NKAP: variants seen among roughly 807,000 people sequenced by gnomAD.
NKAP encodes the protein NFKB activating protein.
A neutral mutation model predicts 35.6 loss-of-function variants in NKAP; 4 were observed. The observed-to-expected ratio is 0.11, with a 90% CI of 0.06 to 0.26. The LOEUF is 0.26. NKAP is among the 10% of genes least tolerant of loss of function. NKAP has a pLI of 1.00. For synonymous variants in NKAP, 106 were observed against 119.2 expected, an observed-to-expected ratio of 0.89 and a Z score of 0.72; for missense variants, 238 against 321.9, an observed-to-expected ratio of 0.74 and a Z score of 1.99.
rs2056700870 is a variant in NKAP, at chrX:119,924,541, C to A, written c.*679G>T. The A allele has an allele frequency of 9.1e-6, 1 of 109,658 alleles. No homozygotes were observed. The highest frequency in any genetic ancestry group is 1.9e-5 in the Non-Finnish European group (1 of 52,690). 9.0% of individuals were successfully genotyped at this position (109,658 alleles called of 1,213,427 possible). A position where few individuals can be genotyped will look rare whatever the true frequency, so the allele number is the denominator to read the frequency against. The stretch of plus-strand genomic sequence containing the variant: ...GAGTAGTTGGGATTACAGGCGCCCA[C>A]CACCACGCCCGGCTAATTTTTGTAT... On this transcript the variant is annotated 3_prime_UTR_variant, in exon 9 of 9. Transcript: ENST00000371410.
intron 5 of NKAP, 33 bp downstream of exon 5, chrX:119,934,455 AGAAAAG>A (rs768534770): frequency 2.6e-6 from 2 of 775,001 alleles, no homozygotes; most frequent in South Asian, 3.0e-5. Flanking sequence ...AAAAAAAAAA[AGAAAAG>A]AAATTTTCCA....
At position 119,934,491 on chromosome X, in the gene NKAP, G is replaced by C. The variant is rs777918273; in HGVS notation, c.737+3C>G. On this transcript the variant is annotated splice_donor_region_variant and intron_variant, in intron 5 of 8. Coordinates refer to ENST00000371410, the MANE Select transcript of NKAP (RefSeq NM_024528.4). ...TTTCCATAATAAAACTTAAAAAACT[G>C]ACGATCTGTGTTTCTTCTTCTTTTC... 1.2e-6 allele frequency: 1 copy of C among 864,266 alleles called. No individual in the cohort carries two copies. Among genetic ancestry groups the C allele is most frequent in the Admixed American group, 3.9e-5 (1 of 25,401 alleles). The allele number at this position is 864,266 out of a possible 1,213,427, so 71.2% of individuals were successfully genotyped here.
In NKAP at chrX:119,932,178, T is replaced by C; in HGVS notation, c.776A>G (p.Lys259Arg). Residue 259 changes from lysine to arginine, a missense_variant, in exon 6 of 9, where the codon AAA (lysine) becomes AGA (arginine). Transcript: ENST00000371410. Reference protein sequence around the residue: ...YKKKRSKKSRKESSDSSSKES... With the variant: ...YKKKRSKKSRRESSDSSSKES... ...TTTAGAGCTTGAATCACTGGACTCT[T>C]TTCTGCTCTTCTTAGACCTCTTTTT... 1 of 1,206,547 alleles carries C rather than the reference T, an allele frequency of 8.3e-7. No individual in the cohort carries two copies. The highest frequency in any genetic ancestry group is 1.8e-5 in the South Asian group (1 of 56,382).
At position 119,943,425 on chromosome X, in the gene NKAP, C is replaced by G. The variant is rs140321849; in HGVS notation, c.181G>C (p.Gly61Arg). ...GDRNGLTHQL[G>R]GLSQGSRNQS... ...TTTCGGGAGCCTTGGCTGAGGCCAC[C>G]CAGCTGATGGGTGAGTCCATTCCGG... Residue 61 changes from glycine (G) to arginine (R), a missense_variant, in exon 1 of 9, where the codon GGT (glycine) becomes CGT (arginine). Around this residue, in one of 5 missense-constraint regions of NKAP, gnomAD observed 123 missense variants for 115.3 expected, o/e 1.07. Transcript: ENST00000371410. The G allele has an allele frequency of 2.8e-5, 34 of 1,209,531 alleles. No individual in the cohort carries two copies. The highest frequency in any genetic ancestry group is 3.7e-5 in the Non-Finnish European group (33 of 894,359).
In NKAP at chrX:119,936,642, T is replaced by C; in HGVS notation, c.508A>G (p.Lys170Glu). 1 of 1,181,953 alleles carries C rather than the reference T, an allele frequency of 8.5e-7. No homozygotes were observed. ...GAAGTAGAAGCTGAAGTAGTGCTTT[T>C]CTTTGGCTCTTCATCCTCCACTGGT... ...HTPVEDEEPKKSTTSASTSEE... is the reference protein window; with the variant it reads ...HTPVEDEEPKESTTSASTSEE... The change falls in exon 3 of 9, where the codon AAA becomes GAA. Residue 170 changes from lysine to glutamate, a missense_variant. Physicochemically the swap from Lys to Glu is moderately conservative, Grantham distance 56. Coordinates refer to ENST00000371410, the MANE Select transcript of NKAP (RefSeq NM_024528.4).
At position 119,936,318 on chromosome X, in the gene NKAP, C is replaced by G. The variant is rs768490023; in HGVS notation, c.652G>C (p.Asp218His). 3.3e-6 allele frequency: 4 copies of G among 1,205,411 alleles called. No individual in the cohort carries two copies. Among genetic ancestry groups the G allele is most frequent in the Non-Finnish European group, 4.5e-6 (4 of 893,247 alleles). The stretch of plus-strand genomic sequence containing the variant: ...TTACCACTGGAGTCTGTTTCAGAAT[C>G]AGAGTCACTGTCGCTATCTTCAGAA... ...KYSEDSDSDS[D>H]SETDSSDEDN... Residue 218 changes from aspartate (D) to histidine (H), a missense_variant, in exon 4 of 9, where the codon GAT becomes CAT. Transcript: ENST00000371410.
intron 1 of NKAP, among the ~76,000 whole-genome samples, chrX:119,941,374 A>G (rs2056792297): frequency 9.0e-6 from 1 of 111,178 alleles, no homozygotes; most frequent in Non-Finnish European, 1.9e-5. Flanking sequence ...AATAGCTAAC[A>G]CTTATGGAAT....
In NKAP at chrX:119,923,897, T is replaced by C. The variant is rs765265629; in HGVS notation, c.*1323A>G. The C allele has an allele frequency of 8.9e-6, 1 of 111,832 alleles. No individual in the cohort carries two copies. Among genetic ancestry groups the C allele is most frequent in the East Asian group, 2.8e-4 (1 of 3,566 alleles). The allele number at this position is 111,832 out of a possible 1,213,427, so 9.2% of individuals were successfully genotyped here. A position where few individuals can be genotyped will look rare whatever the true frequency, so the allele number is the denominator to read the frequency against. ...TGAACTTAGGAGGTGGAGGTTGTGG[T>C]GAGCCGAGATCACCCCATTGTACTC... On this transcript the variant is annotated 3_prime_UTR_variant, in exon 9 of 9. Transcript: ENST00000371410.
intron 1 of NKAP, among the ~76,000 whole-genome samples, chrX:119,939,586 TTTTTA>T (rs2147849855): frequency 8.9e-6 from 1 of 111,824 alleles, no homozygotes; most frequent in Non-Finnish European, 1.9e-5. Context: ...AAATAAAAGT[TTTTTA>T]TTTTTTTGTA....
In NKAP at chrX:119,922,255, C is replaced by T. The variant is rs1459320268; in HGVS notation, c.*2965G>A. ...AGTTTCTTTTAACTTTTGAAAACTA[C>T]AGATTTATTAGGCTAGGCAGCAACT... On this transcript the variant is annotated 3_prime_UTR_variant, in exon 9 of 9. Coordinates refer to ENST00000371410, the MANE Select transcript of NKAP (RefSeq NM_024528.4). 8.9e-6 allele frequency: 1 copy of T among 111,981 alleles called. No homozygotes were observed. The allele number at this position is 111,981 out of a possible 1,213,427, so 9.2% of individuals were successfully genotyped here. A position where few individuals can be genotyped will look rare whatever the true frequency, so the allele number is the denominator to read the frequency against.
At chrX:119,942,128 T>C (rs1164346058) in intron 1 of NKAP, among the ~76,000 whole-genome samples, 1 of 111,583 alleles carries the variant, frequency 9.0e-6, no homozygotes, top group African/African-American at 3.3e-5. Context: ...TTGGGAGATG[T>C]CTTGAGTCTT....
At chrX:119,933,640 T>C (rs1203439661) in intron 5 of NKAP, among the ~76,000 whole-genome samples, 1 of 111,769 alleles carries the variant, frequency 8.9e-6, no homozygotes, top group African/African-American at 3.3e-5. Context: ...GGAATTATTA[T>C]TAAATGTTTT....
At chrX:119,925,947 A>ATTTT (rs1238211722) in intron 8 of NKAP, among the ~76,000 whole-genome samples, 42 of 52,323 alleles carry the variant, frequency 8.0e-4, no homozygotes, top group Admixed American at 1.1e-3. Context: ...TTTTTTTTTA[A>ATTTT]TTTTTTTTTT....
intron 7 of NKAP, among the ~76,000 whole-genome samples, chrX:119,930,860 G>A (rs2056737386): frequency 1.8e-5 from 2 of 109,294 alleles, no homozygotes; most frequent in South Asian, 3.8e-4. Context: ...AACAAAGTAG[G>A]CTGGGTGCAG....
rs1295824861 is a variant in NKAP, at chrX:119,938,631, G to A, written c.467+99C>T. 7 of 524,629 alleles carry A rather than the reference G, an allele frequency of 1.3e-5. No homozygotes were observed. The African/African-American group carries it at 1.7e-4, about 13-fold the overall frequency. The allele number at this position is 524,629 out of a possible 1,213,427, so 43.2% of individuals were successfully genotyped here. On this transcript the variant is annotated intron_variant, in intron 2 of 8. Coordinates refer to ENST00000371410, the MANE Select transcript of NKAP (RefSeq NM_024528.4). ...CATAAATCACAAGAAAGAAAAATGTGAGATATATTTAAAGTTCTTCACTTA... is the reference window on the plus strand; with the variant it reads ...CATAAATCACAAGAAAGAAAAATGTAAGATATATTTAAAGTTCTTCACTTA...
chrX:119,936,480 A>T (rs1229973562), intron 3 of NKAP, 49 bp from the exon 4 acceptor site: 1 of 1,026,333 alleles, frequency 9.7e-7, no homozygotes, highest in Non-Finnish European at 1.3e-6. Context: ...CTATTTCTGA[A>T]CATCAAAAGA....
At chrX:119,926,798 C>T (rs2147843871) in intron 8 of NKAP, among the ~76,000 whole-genome samples, 1 of 107,893 alleles carries the variant, frequency 9.3e-6, no homozygotes, top group African/African-American at 3.4e-5. Flanking sequence ...TGGTGGCTCA[C>T]GCCTGTAATC....
Position 119,941,620 on chromosome X carries a change from G to GT in NKAP, c.386+1599dup, listed in dbSNP as rs374993872. Among the ~76,000 whole-genome samples the GT allele has an allele frequency of 2.4e-3, 265 of 108,631 alleles. 1 individual carries two copies. The highest frequency in any genetic ancestry group is 6.4e-3 in the African/African-American group (193 of 29,970). The allele number at this position is 108,631 out of a possible 115,157, so 94.3% of individuals were successfully genotyped here. ...TTTCTTTCTTCCTGTTCTTCTCTTT[G>GT]TTTTTTTTTGTTTGTTTGTTTTTGA... is the stretch of plus-strand genomic sequence containing the variant. On this transcript the variant is annotated intron_variant, in intron 1 of 8. Transcript: ENST00000371410.
At chrX:119,926,400 G>A (rs1445825156) in intron 8 of NKAP, among the ~76,000 whole-genome samples, 2 of 110,078 alleles carry the variant, frequency 1.8e-5, no homozygotes, top group Non-Finnish European at 3.8e-5. Flanking sequence ...CCGAGTAGCC[G>A]GGAGTACAGG....
Sources: allele counts gnomAD v4.1 joint callset (sites outside exome capture counted in the v4.1 genomes callset), GRCh38; gene constraint gnomAD v4.1.1; regional missense constraint gnomAD v4.1.1; transcripts MANE v1.5; gene names NCBI Gene and HGNC (gene_info 2026-07-23, HGNC 2026-07-21).